The following AGPAT4 variants were observed in gnomAD, a reference collection of about 807,000 sequenced individuals.
AGPAT4 encodes 1-acylglycerol-3-phosphate O-acyltransferase 4.
A neutral mutation model predicts 48.0 loss-of-function variants in AGPAT4; 15 were observed. The ratio of observed to expected loss-of-function variants is 0.31; its 90% CI spans 0.21 to 0.48. AGPAT4 has a LOEUF of 0.48. AGPAT4 is among the 20% of genes least tolerant of loss of function. The pLI is 0.99. For synonymous variants in AGPAT4, 178 were observed against 198.7 expected (o/e 0.90, Z 0.88); for missense variants, 314 against 482.5 (o/e 0.65, Z 3.27).
chr6:161,229,509 T>A lies in AGPAT4; in HGVS notation c.178+2527A>T, dbSNP rs966897189. ...CATGGCCTTGGTTACTGTGAAATAA[T>A]TGACAGAGGAAGTCTGTCAATTATT... On this transcript the variant is annotated intron_variant, in intron 2 of 8. Transcript: ENST00000320285. The surrounding 1 kb of genome is among the most constrained non-coding windows in gnomAD (Gnocchi z 6.0). 6.6e-6 allele frequency among the ~76,000 whole-genome samples: 1 copy of A among 152,068 alleles called. No individual in the cohort carries two copies. The highest frequency in any genetic ancestry group is 1.5e-5 in the Non-Finnish European group (1 of 68,030).
At chr6:161,153,208 G>A in intron 5 of AGPAT4, 138 bp downstream of exon 5, 1 of 1,233,096 alleles carries the variant, frequency 8.1e-7, no homozygotes, top group Non-Finnish European at 1.1e-6. Context: ...ACAGAGACTG[G>A]ACTTGAGCAG....
chr6:161,238,321 T>C lies in AGPAT4; in HGVS notation c.-89-6019A>G, dbSNP rs1782362297. On this transcript the variant is annotated intron_variant, in intron 1 of 8. Transcript: ENST00000320285. The surrounding 1 kb of genome is among the most constrained non-coding windows in gnomAD (Gnocchi z 5.2). Reference sequence around the variant, plus strand: ...CATTGGAAACACTTGCCAGGATGCCTGGAACGGGGAAAACCCCAAGTAATG... The same window carrying C: ...CATTGGAAACACTTGCCAGGATGCCCGGAACGGGGAAAACCCCAAGTAATG... Among the ~76,000 whole-genome samples, 1 of 152,158 alleles carries C rather than the reference T, an allele frequency of 6.6e-6. No individual in the cohort carries two copies. The highest frequency in any genetic ancestry group is 1.5e-5 in the Non-Finnish European group (1 of 68,020).
Position 161,266,505 on chromosome 6 carries a change from A to G in AGPAT4, c.-90+7433T>C, listed in dbSNP as rs1299650529. Among the ~76,000 whole-genome samples the G allele has an allele frequency of 6.6e-6, 1 of 152,176 alleles. No individual in the cohort carries two copies. The highest frequency in any genetic ancestry group is 1.5e-5 in the Non-Finnish European group (1 of 68,034). On this transcript the variant is annotated intron_variant, in intron 1 of 8. Coordinates refer to ENST00000320285, the MANE Select transcript of AGPAT4 (RefSeq NM_020133.3). This position sits in a 1 kb window ranked among gnomAD's most constrained non-coding sequence, Gnocchi z 6.2. ...TGCATCTAGAAAGAGTGACTGTTTTATGAAGGGTGAATGGGGTGATGGGAG... is the reference window on the plus strand; with the variant it reads ...TGCATCTAGAAAGAGTGACTGTTTTGTGAAGGGTGAATGGGGTGATGGGAG...
In AGPAT4 at chr6:161,200,668, A is replaced by G. The variant is rs1781215375; in HGVS notation, c.178+31368T>C. On this transcript the variant is annotated intron_variant, in intron 2 of 8. Transcript: ENST00000320285. This position sits in a 1 kb window ranked among gnomAD's most constrained non-coding sequence, Gnocchi z 5.5. ...ATTTACTATGTTGACTAGGGACACC[A>G]TAGGTCCCTCCTCTGCTCTTTGTAA... Among the ~76,000 whole-genome samples, 1 of 152,240 alleles carries G rather than the reference A, an allele frequency of 6.6e-6. No homozygotes were observed. Among genetic ancestry groups the G allele is most frequent in the African/African-American group, 2.4e-5 (1 of 41,456 alleles).
rs748317211 is a variant in AGPAT4, at chr6:161,225,616, G to A, written c.178+6420C>T. ...TTCGTCAGTTTCTGGAAGCAACCCC[G>A]CTAGCCCATCACTGGTGGAAGCAGA... is the stretch of plus-strand genomic sequence containing the variant. On this transcript the variant is annotated intron_variant, in intron 2 of 8. Coordinates refer to ENST00000320285, the MANE Select transcript of AGPAT4 (RefSeq NM_020133.3). This position sits in a 1 kb window ranked among gnomAD's most constrained non-coding sequence, Gnocchi z 5.0. Among the ~76,000 whole-genome samples the A allele has an allele frequency of 8.5e-5, 13 of 152,282 alleles. No homozygotes were observed. The highest frequency in any genetic ancestry group is 1.2e-4 in the Non-Finnish European group (8 of 68,032).
In AGPAT4 at chr6:161,262,190, T is replaced by C. The variant is rs1783123140; in HGVS notation, c.-90+11748A>G. ...CTGAGGTTCCAGTCCTCTCAGCCCA[T>C]AATCATTTATAGAACTTAAAAAAAA... On this transcript the variant is annotated intron_variant, in intron 1 of 8. Transcript: ENST00000320285. This position sits in a 1 kb window ranked among gnomAD's most constrained non-coding sequence, Gnocchi z 4.9. Among the ~76,000 whole-genome samples the C allele has an allele frequency of 6.6e-6, 1 of 151,982 alleles. No homozygotes were observed. Among genetic ancestry groups the C allele is most frequent in the African/African-American group, 2.4e-5 (1 of 41,354 alleles).
Position 161,264,185 on chromosome 6 carries a change from T to G in AGPAT4, c.-90+9753A>C, listed in dbSNP as rs1438922218. On this transcript the variant is annotated intron_variant, in intron 1 of 8. Transcript: ENST00000320285. The surrounding 1 kb of genome is among the most constrained non-coding windows in gnomAD (Gnocchi z 6.8). ...GAATATGATTGGAAAGTGACCTTCTTTCTCCCTATATTTACTATCTCAGGG... is the reference window on the plus strand; with the variant it reads ...GAATATGATTGGAAAGTGACCTTCTGTCTCCCTATATTTACTATCTCAGGG... Among the ~76,000 whole-genome samples, 3 of 152,158 alleles carry G rather than the reference T, an allele frequency of 2.0e-5. No homozygotes were observed. Among genetic ancestry groups the G allele is most frequent in the South Asian group, 2.1e-4 (1 of 4,830 alleles).
rs369125946 is a variant in AGPAT4 at position 161,261,300 on chromosome 6, C to T, written c.-90+12638G>A. ...CATGAGACAAACAACAGAAAAGACC[C>T]GGCACAGTCCTGGGCCACATGACGT... On this transcript the variant is annotated intron_variant, in intron 1 of 8. Coordinates refer to ENST00000320285, the MANE Select transcript of AGPAT4 (RefSeq NM_020133.3). The surrounding 1 kb of genome is among the most constrained non-coding windows in gnomAD (Gnocchi z 5.3). 5.3e-5 allele frequency among the ~76,000 whole-genome samples: 8 copies of T among 152,144 alleles called. No homozygotes were observed. Among genetic ancestry groups the T allele is most frequent in the African/African-American group, 1.9e-4 (8 of 41,444 alleles).
intron 5 of AGPAT4, among the ~76,000 whole-genome samples, 180 bp downstream of exon 5, chr6:161,153,166 G>T (rs1273847716): frequency 6.6e-6 from 1 of 152,246 alleles, no homozygotes; most frequent in African/African-American, 2.4e-5. Context: ...CCAGCCAGGG[G>T]TGCAAATGCC....
At chr6:161,185,342 G>C (rs997711230) in intron 2 of AGPAT4, among the ~76,000 whole-genome samples, 1 of 143,044 alleles carries the variant, frequency 7.0e-6, no homozygotes, top group African/African-American at 2.6e-5. Context: ...CCAGGCTGGA[G>C]TGCAGTAGTG....
At chr6:161,253,999 A>G (rs1231616778) in intron 1 of AGPAT4, among the ~76,000 whole-genome samples, 22 of 152,196 alleles carry the variant, frequency 1.4e-4, no homozygotes, top group East Asian at 3.8e-4. Flanking sequence ...ATTTTACTAT[A>G]TATTAACAAA....
In AGPAT4 at chr6:161,130,611, A is replaced by G. The variant is rs1778869004; in HGVS notation, c.*5929T>C. 8.1e-6 allele frequency: 2 copies of G among 248,206 alleles called. No individual in the cohort carries two copies. The highest frequency in any genetic ancestry group is 4.4e-5 in the African/African-American group (2 of 45,334). 15.4% of individuals were successfully genotyped at this position (248,206 alleles called of 1,614,324 possible). A position where few individuals can be genotyped will look rare whatever the true frequency, so the allele number is the denominator to read the frequency against. On this transcript the variant is annotated 3_prime_UTR_variant, in exon 9 of 9. Transcript: ENST00000320285. ...AACCGGGTGTGTTCCACCCTTGCCC[A>G]TGGTTAGATCTCTTTCCTTGATAGA... is the stretch of plus-strand genomic sequence containing the variant.
At chr6:161,186,658 C>A (rs541827790) in intron 2 of AGPAT4, among the ~76,000 whole-genome samples, 1 of 152,122 alleles carries the variant, frequency 6.6e-6, no homozygotes, top group Non-Finnish European at 1.5e-5. Context: ...TGGCTCCGCA[C>A]GATCAACCAG....
intron 3 of AGPAT4, among the ~76,000 whole-genome samples, chr6:161,156,811 G>A (rs984331104): frequency 3.9e-5 from 6 of 152,238 alleles, no homozygotes; most frequent in East Asian, 1.9e-4. Context: ...GCGGAAAACC[G>A]CTTAAAGGTG....
rs190200889 is a variant in AGPAT4, at chr6:161,168,661, G to A, written c.179-2244C>T. On this transcript the variant is annotated intron_variant, in intron 2 of 8. Coordinates refer to ENST00000320285, the MANE Select transcript of AGPAT4 (RefSeq NM_020133.3). ...TACCTAATGCGTTCAAGCACTCTGCGAGATACAGGAGATGATTAAACATTA... is the reference window on the plus strand; with the variant it reads ...TACCTAATGCGTTCAAGCACTCTGCAAGATACAGGAGATGATTAAACATTA... Among the ~76,000 whole-genome samples the A allele has an allele frequency of 5.9e-5, 9 of 152,292 alleles. No individual in the cohort carries two copies. In the East Asian group the frequency reaches 7.7e-4, roughly 13 times the overall value.
rs963347500 is a variant in AGPAT4 at position 161,158,810 on chromosome 6, C to CCGGTG, written c.349-4505_349-4501dup. Among the ~76,000 whole-genome samples the CCGGTG allele has an allele frequency of 6.6e-6, 1 of 152,106 alleles. No individual in the cohort carries two copies. Among genetic ancestry groups the CCGGTG allele is most frequent in the Non-Finnish European group, 1.5e-5 (1 of 68,038 alleles). On this transcript the variant is annotated intron_variant, in intron 3 of 8. Coordinates refer to ENST00000320285, the MANE Select transcript of AGPAT4 (RefSeq NM_020133.3). The surrounding 1 kb of genome is among the most constrained non-coding windows in gnomAD (Gnocchi z 5.3). ...AGGCTTCAGATGAAGATTCCAAACC[C>CCGGTG]CGGTGCTGCGAGCAGCATGGCTGGG... is the stretch of plus-strand genomic sequence containing the variant.
rs2293287 is a variant in AGPAT4 at position 161,129,992 on chromosome 6, G to A, written c.*6548C>T. 0.14 allele frequency: 21,912 copies of A among 152,206 alleles called. 2,258 individuals are homozygous for A. Among genetic ancestry groups the A allele is most frequent in the African/African-American group, 0.29 (11,863 of 41,478 alleles). 9.4% of individuals were successfully genotyped at this position (152,206 alleles called of 1,614,324 possible). On this transcript the variant is annotated 3_prime_UTR_variant, in exon 9 of 9. Coordinates refer to ENST00000320285, the MANE Select transcript of AGPAT4 (RefSeq NM_020133.3). The surrounding 1 kb of genome is among the most constrained non-coding windows in gnomAD (Gnocchi z 4.4). ...TTTTTCCAAGTTAAAGTTTCAGTCA[G>A]TTTTATTACATCCAGTCCAGTAAGC...
rs772434546 is a variant in AGPAT4, at chr6:161,184,044, C to T, written c.179-17627G>A. Among the ~76,000 whole-genome samples the T allele has an allele frequency of 2.0e-5, 3 of 152,110 alleles. No homozygotes were observed. The highest frequency in any genetic ancestry group is 4.4e-5 in the Non-Finnish European group (3 of 68,026). On this transcript the variant is annotated intron_variant, in intron 2 of 8. Coordinates refer to ENST00000320285, the MANE Select transcript of AGPAT4 (RefSeq NM_020133.3). The surrounding 1 kb of genome is among the most constrained non-coding windows in gnomAD (Gnocchi z 4.8). ...TGTATGACTTGATCCACCTGAAATA[C>T]AGTCTACTAGAACCTGTGCCACAAA...
chr6:161,261,482 G>A lies in AGPAT4; in HGVS notation c.-90+12456C>T, dbSNP rs969693993. Among the ~76,000 whole-genome samples the A allele has an allele frequency of 6.6e-6, 1 of 152,172 alleles. No homozygotes were observed. Among genetic ancestry groups the A allele is most frequent in the Non-Finnish European group, 1.5e-5 (1 of 68,046 alleles). On this transcript the variant is annotated intron_variant, in intron 1 of 8. Transcript: ENST00000320285. This position sits in a 1 kb window ranked among gnomAD's most constrained non-coding sequence, Gnocchi z 5.3. The stretch of plus-strand genomic sequence containing the variant: ...ATCCATAGAATGAATGAACTGAATG[G>A]TCAGTCACATTCACCACACTGCTCC...
Sources: gnomAD v4.1 joint callset for allele counts (sites outside exome capture counted in the v4.1 genomes callset) on GRCh38, gnomAD v4.1.1 for gene constraint, Gnocchi (gnomAD v3.1) non-coding constraint, MANE v1.5 for transcripts, NCBI Gene and HGNC (gene_info 2026-07-23, HGNC 2026-07-21) for gene names.